MIGA2: variants seen among roughly 807,000 people sequenced by gnomAD.
MIGA2 encodes the protein mitoguardin 2.
A neutral mutation model predicts 69.9 loss-of-function variants in MIGA2; 36 were observed. The ratio of observed to expected loss-of-function variants is 0.52; its 90% CI spans 0.39 to 0.68. The LOEUF is 0.68. Among genes scored for constraint, MIGA2 ranks in the 30% least tolerant of loss-of-function variants. The pLI is 0.00. For synonymous variants in MIGA2, 333 were observed against 349.2 expected (o/e 0.95, Z 0.52); for missense variants, 660 against 787.7 (o/e 0.84, Z 1.94).
Position 129,060,131 on chromosome 9 carries a change from G to A in MIGA2, c.794-419G>A, listed in dbSNP as rs1845988112. On this transcript the variant is annotated intron_variant, in intron 7 of 15. Transcript: ENST00000684074. The surrounding 1 kb of genome is among the most constrained non-coding windows in gnomAD (Gnocchi z 4.8). ...AGGGGAACTCCAGGTTAGTGGCTGT[G>A]GACTCTTTCGAGCCCTTGGTATCAA... is the stretch of plus-strand genomic sequence containing the variant. Among the ~76,000 whole-genome samples, 2 of 152,196 alleles carry A rather than the reference G, an allele frequency of 1.3e-5. No homozygotes were observed. The highest frequency in any genetic ancestry group is 6.5e-5 in the Admixed American group (1 of 15,278).
At chr9:129,067,412 C>T (rs540809315) in intron 11 of MIGA2, 17 of 244,592 alleles carry the variant, frequency 7.0e-5, no homozygotes, top group Non-Finnish European at 1.4e-4. Context: ...CATCAGGGTG[C>T]GGCTGTAGCT....
In MIGA2 at chr9:129,069,270, C is replaced by T; in HGVS notation, c.1458+141C>T. ...TGGCCCCCTTGTTCCGCCGTTACCT[C>T]TCCCTGTGCCAGGAGCTCCCTGGAG... is the stretch of plus-strand genomic sequence containing the variant. On this transcript the variant is annotated intron_variant, in intron 14 of 15. Transcript: ENST00000684074. This position sits in a 1 kb window ranked among gnomAD's most constrained non-coding sequence, Gnocchi z 4.9. The T allele has an allele frequency of 9.5e-7, 1 of 1,055,288 alleles. No individual in the cohort carries two copies. Among genetic ancestry groups the T allele is most frequent in the Non-Finnish European group, 1.4e-6 (1 of 700,760 alleles). 65.4% of individuals were successfully genotyped at this position (1,055,288 alleles called of 1,614,324 possible).
rs555366838 is a variant in MIGA2 at position 129,064,730 on chromosome 9, G to A, written c.1170+1099G>A. 2.0e-5 allele frequency among the ~76,000 whole-genome samples: 3 copies of A among 151,922 alleles called. No individual in the cohort carries two copies. The South Asian group carries it at 6.2e-4, about 32-fold the overall frequency. ...TTCTAGTGCACCAGACTTGCTGCCT[G>A]ATCTGGGCTTTACATATGCTGGTCT... On this transcript the variant is annotated intron_variant, in intron 11 of 15. Transcript: ENST00000684074.
rs943882262 is a variant in MIGA2, at chr9:129,060,405, C to T, written c.794-145C>T. The T allele has an allele frequency of 4.5e-5, 30 of 662,620 alleles. No homozygotes were observed. The highest frequency in any genetic ancestry group is 6.9e-5 in the Non-Finnish European group (27 of 388,492). 41.0% of individuals were successfully genotyped at this position (662,620 alleles called of 1,614,324 possible). A position where few individuals can be genotyped will look rare whatever the true frequency, so the allele number is the denominator to read the frequency against. ...CGTCCTCACACAGAAGCGCTTGGCA[C>T]GTCAGAGCTTTGCCATTGAGTGTGG... is the stretch of plus-strand genomic sequence containing the variant. On this transcript the variant is annotated intron_variant, in intron 7 of 15. Coordinates refer to ENST00000684074, the MANE Select transcript of MIGA2 (RefSeq NM_001329990.2). This position sits in a 1 kb window ranked among gnomAD's most constrained non-coding sequence, Gnocchi z 4.8.
chr9:129,058,495 TC>T (rs1439525870), intron 6 of MIGA2, among the ~76,000 whole-genome samples: 3 of 149,824 alleles, frequency 2.0e-5, no homozygotes, highest in Non-Finnish European at 3.0e-5. Context: ...TTTCTTTCTT[TC>T]TTTTTTTTTT....
rs953619543 is a variant in MIGA2 at position 129,069,299 on chromosome 9, C to T, written c.1458+170C>T. On this transcript the variant is annotated intron_variant, in intron 14 of 15. Transcript: ENST00000684074. The surrounding 1 kb of genome is among the most constrained non-coding windows in gnomAD (Gnocchi z 4.9). ...CTGTGCCAGGAGCTCCCTGGAGGCTCGTGTAGACCCACTTCCTCTCCTCCC... is the reference window on the plus strand; with the variant it reads ...CTGTGCCAGGAGCTCCCTGGAGGCTTGTGTAGACCCACTTCCTCTCCTCCC... 9.3e-6 allele frequency: 7 copies of T among 753,192 alleles called. No homozygotes were observed. The highest frequency in any genetic ancestry group is 3.4e-5 in the African/African-American group (2 of 57,994). The allele number at this position is 753,192 out of a possible 1,614,324, so 46.7% of individuals were successfully genotyped here. A position where few individuals can be genotyped will look rare whatever the true frequency, so the allele number is the denominator to read the frequency against.
chr9:129,041,962 G>T (rs913308744), intron 2 of MIGA2, among the ~76,000 whole-genome samples: 2 of 152,212 alleles, frequency 1.3e-5, no homozygotes, highest in Non-Finnish European at 2.9e-5. Flanking sequence ...GTCTGGAAAT[G>T]ACAGGGACTC....
At chr9:129,058,792 C>T (rs1311149671) in intron 6 of MIGA2, among the ~76,000 whole-genome samples, 1 of 152,186 alleles carries the variant, frequency 6.6e-6, no homozygotes, top group East Asian at 1.9e-4. Flanking sequence ...GCCACTGTGC[C>T]TGGCAACCTA....
At chr9:129,063,434 C>A in intron 10 of MIGA2, 111 bp from the exon 11 acceptor site, 1 of 1,537,182 alleles carries the variant, frequency 6.5e-7, no homozygotes. Context: ...CCACACTGGG[C>A]TCCTCTGTGG....
intron 2 of MIGA2, 165 bp from the exon 3 acceptor site, chr9:129,042,139 G>C (rs1564599938): frequency 3.1e-6 from 2 of 648,266 alleles, no homozygotes; most frequent in Non-Finnish European, 5.4e-6. Context: ...CAGGGAGGCT[G>C]GTCAACTTCC....
Position 129,042,121 on chromosome 9 carries a change from CTGTG to C in MIGA2, c.97-181_97-178del. 9.7e-6 allele frequency: 6 copies of C among 620,404 alleles called. No individual in the cohort carries two copies. In the South Asian group the frequency reaches 1.2e-4, roughly 12 times the overall value. 38.4% of individuals were successfully genotyped at this position (620,404 alleles called of 1,614,324 possible). A position where few individuals can be genotyped will look rare whatever the true frequency, so the allele number is the denominator to read the frequency against. On this transcript the variant is annotated intron_variant, in intron 2 of 15. Transcript: ENST00000684074. ...CTTGCCATCTTTATGTTTTTGTGGC[CTGTG>C]TTTCAGGGAGGCTGGTCAACTTCCC...
chr9:129,063,655 G>GCGC, intron 11 of MIGA2, 24 bp downstream of exon 11: 1 of 645,746 alleles, frequency 1.5e-6, no homozygotes, highest in Non-Finnish European at 2.9e-6. Flanking sequence ...GGGTGGGGGG[G>GCGC]CAAATTATAA....
rs545588962 is a variant in MIGA2 at position 129,061,172 on chromosome 9, C to T, written c.895-59C>T. Reference sequence around the variant, plus strand: ...GCCGACCAATGGGCAGGTGCCCTTGCGCCGTGGCGTGCTGCTCACATGGGC... The same window carrying T: ...GCCGACCAATGGGCAGGTGCCCTTGTGCCGTGGCGTGCTGCTCACATGGGC... On this transcript the variant is annotated intron_variant, in intron 8 of 15. Transcript: ENST00000684074. This position sits in a 1 kb window ranked among gnomAD's most constrained non-coding sequence, Gnocchi z 5.0. 259 of 1,451,100 alleles carry T rather than the reference C, an allele frequency of 1.8e-4. No homozygotes were observed. The highest frequency in any genetic ancestry group is 4.7e-4 in the Middle Eastern group (2 of 4,272). The allele number at this position is 1,451,100 out of a possible 1,614,324, so 89.9% of individuals were successfully genotyped here.
At chr9:129,066,656 CAA>C (rs34457777) in intron 11 of MIGA2, among the ~76,000 whole-genome samples, 26 of 71,248 alleles carry the variant, frequency 3.6e-4, no homozygotes, top group Admixed American at 6.6e-4. Flanking sequence ...CCTGGGCGAC[CAA>C]AAAAAAAAAA....
Position 129,056,041 on chromosome 9 carries a change from C to G in MIGA2, c.676-3113C>G, listed in dbSNP as rs1845778642. ...TGGTGGGCACCTGTAGCCCCAGCTACTCAGGAGGCTGAGTTGGGAGGATTG... is the reference window on the plus strand; with the variant it reads ...TGGTGGGCACCTGTAGCCCCAGCTAGTCAGGAGGCTGAGTTGGGAGGATTG... On this transcript the variant is annotated intron_variant, in intron 6 of 15. Transcript: ENST00000684074. Among the ~76,000 whole-genome samples the G allele has an allele frequency of 1.3e-5, 2 of 150,500 alleles. 1 individual carries two copies. Among genetic ancestry groups the G allele is most frequent in the South Asian group, 4.2e-4 (2 of 4,772 alleles).
Position 129,068,249 on chromosome 9 carries a change from G to T in MIGA2, c.1321G>T (p.Ala441Ser). 6.2e-7 allele frequency: 1 copy of T among 1,613,580 alleles called. No homozygotes were observed. The highest frequency in any genetic ancestry group is 8.5e-7 in the Non-Finnish European group (1 of 1,180,012). ...DIVLDFILMD[A>S]FEDLENPPAS... ...CGTGCTGGACTTCATCCTCATGGAC[G>T]CCTTCGAGGACCTGGAGAACCCTCC... Residue 441 changes from alanine (A) to serine (S), a missense_variant, in exon 13 of 16, where the codon GCC becomes TCC. Ala to Ser is a moderately conservative substitution (Grantham distance 99). This residue lies in a region of MIGA2 where 220 missense variants were observed against 301.7 expected (regional missense o/e 0.73). Coordinates refer to ENST00000684074, the MANE Select transcript of MIGA2 (RefSeq NM_001329990.2). This position sits in a 1 kb window ranked among gnomAD's most constrained non-coding sequence, Gnocchi z 4.1.
At chr9:129,050,935 G>A (rs2131360434) in intron 6 of MIGA2, among the ~76,000 whole-genome samples, 1 of 151,500 alleles carries the variant, frequency 6.6e-6, no homozygotes, top group African/African-American at 2.4e-5. Flanking sequence ...GTGCAATGGT[G>A]CGATCTTGGC....
chr9:129,042,914 GC>G (rs1249916253), intron 3 of MIGA2, among the ~76,000 whole-genome samples: 1 of 152,148 alleles, frequency 6.6e-6, no homozygotes, highest in Non-Finnish European at 1.5e-5. Context: ...TGAGGTTTAG[GC>G]CGGGCGCGGT....
In MIGA2 at chr9:129,042,722, T is replaced by G. The variant is rs112627428; in HGVS notation, c.307+208T>G. On this transcript the variant is annotated intron_variant, in intron 3 of 15. Coordinates refer to ENST00000684074, the MANE Select transcript of MIGA2 (RefSeq NM_001329990.2). ...ATGTGGTTGGATGCGCATGCTCCAT[T>G]GGTGGAGGTGGTTTTGGTTGTTCTC... 3.4e-3 allele frequency among the ~76,000 whole-genome samples: 512 copies of G among 152,160 alleles called. 1 individual carries two copies. The highest frequency in any genetic ancestry group is 0.012 in the African/African-American group (495 of 41,512).
Sources: allele counts gnomAD v4.1 joint callset (sites outside exome capture counted in the v4.1 genomes callset), GRCh38; gene constraint gnomAD v4.1.1; regional missense constraint gnomAD v4.1.1; non-coding constraint Gnocchi (gnomAD v3.1); transcripts MANE v1.5; gene names NCBI Gene and HGNC (gene_info 2026-07-23, HGNC 2026-07-21).